Variants in NRCAM observed in about 807,000 individuals in gnomAD.
NRCAM encodes the protein neuronal cell adhesion molecule.
A neutral mutation model predicts 156.5 loss-of-function variants in NRCAM; 83 were observed. The ratio of observed to expected loss-of-function variants is 0.53; its 90% CI spans 0.44 to 0.64. NRCAM has a LOEUF of 0.64. Among genes scored for constraint, NRCAM ranks in the 30% least tolerant of loss-of-function variants. The pLI is 0.00. For synonymous variants in NRCAM, 538 were observed against 563.9 expected (o/e 0.95, Z 0.65); for missense variants, 1,417 against 1,597.3 (o/e 0.89, Z 1.92).
intron 3 of NRCAM, among the ~76,000 whole-genome samples, chr7:108,311,288 T>C (rs946632844): frequency 6.6e-6 from 1 of 152,226 alleles, no homozygotes; most frequent in African/African-American, 2.4e-5. Flanking sequence ...TAACTCCTAG[T>C]TTCTAACAAC....
intron 13 of NRCAM, among the ~76,000 whole-genome samples, chr7:108,202,257 T>C (rs994815385): frequency 6.6e-6 from 1 of 152,098 alleles, no homozygotes; most frequent in Admixed American, 6.5e-5. Flanking sequence ...CTGATGTTGG[T>C]AGGTAAAAAT....
intron 1 of NRCAM, among the ~76,000 whole-genome samples, chr7:108,415,295 G>A (rs1020213302): frequency 6.6e-6 from 1 of 152,210 alleles, no homozygotes; most frequent in Non-Finnish European, 1.5e-5. Flanking sequence ...GTCTAATGGA[G>A]AAGGAGGTAC....
chr7:108,155,101 T>TATATATATATACAC (rs1270777439), intron 32 of NRCAM, among the ~76,000 whole-genome samples: 43 of 123,106 alleles, frequency 3.5e-4, no homozygotes, highest in South Asian at 1.8e-3. Flanking sequence ...TATATATATA[T>TATATATATATACAC]ACACACACAC....
chr7:108,284,834 C>T (rs903098766), intron 3 of NRCAM, among the ~76,000 whole-genome samples: 5 of 152,362 alleles, frequency 3.3e-5, no homozygotes, highest in Admixed American at 2.6e-4. Flanking sequence ...GTAAGCACCT[C>T]GCTGGGGAGG....
At chr7:108,332,476 C>T (rs1039644872) in intron 2 of NRCAM, among the ~76,000 whole-genome samples, 18 of 152,140 alleles carry the variant, frequency 1.2e-4, no homozygotes, top group Non-Finnish European at 1.9e-4. Flanking sequence ...CTTCTCTTCC[C>T]TTCAATCACC....
At chr7:108,151,912 C>T (rs970835401) in intron 32 of NRCAM, among the ~76,000 whole-genome samples, 1 of 152,112 alleles carries the variant, frequency 6.6e-6, no homozygotes, top group Non-Finnish European at 1.5e-5. Flanking sequence ...CCAAGGAATA[C>T]ACTGCTGGAA....
At chr7:108,424,598 A>G (rs1814566251) in intron 1 of NRCAM, among the ~76,000 whole-genome samples, 1 of 152,070 alleles carries the variant, frequency 6.6e-6, no homozygotes, top group African/African-American at 2.4e-5. Flanking sequence ...CTTGATTTTT[A>G]AAACTGAATG....
intron 2 of NRCAM, among the ~76,000 whole-genome samples, chr7:108,369,971 TA>T (rs1483966937): frequency 2.6e-5 from 4 of 152,278 alleles, no homozygotes; most frequent in Middle Eastern, 6.8e-3. Flanking sequence ...AGTAGTTATT[TA>T]AAAATTATTT....
intron 27 of NRCAM, 146 bp from the exon 28 acceptor site, chr7:108,175,503 A>G (rs2060141052): frequency 3.0e-6 from 2 of 672,786 alleles, no homozygotes; most frequent in African/African-American, 3.7e-5. Flanking sequence ...GGGGACAAAG[A>G]TATGTTGGTG....
intron 1 of NRCAM, among the ~76,000 whole-genome samples, chr7:108,419,503 T>C (rs1806300480): frequency 6.6e-6 from 1 of 152,194 alleles, no homozygotes; most frequent in Non-Finnish European, 1.5e-5. Flanking sequence ...TCTTCCCATC[T>C]GAGCTCACTT....
At chr7:108,219,391 T>C (rs2091257035) in intron 11 of NRCAM, among the ~76,000 whole-genome samples, 1 of 151,860 alleles carries the variant, frequency 6.6e-6, no homozygotes, top group African/African-American at 2.4e-5. Flanking sequence ...GGAAAGGACA[T>C]AACCAAAAAA....
At chr7:108,391,784 T>G (rs1446315055) in intron 2 of NRCAM, among the ~76,000 whole-genome samples, 4 of 152,310 alleles carry the variant, frequency 2.6e-5, no homozygotes, top group Non-Finnish European at 5.9e-5. Context: ...TGACAAAATC[T>G]CTCAGCATTT....
At chr7:108,261,032 T>C (rs1461122120) in intron 3 of NRCAM, among the ~76,000 whole-genome samples, 1 of 152,048 alleles carries the variant, frequency 6.6e-6, no homozygotes, top group African/African-American at 2.4e-5. Context: ...GGGACACTGA[T>C]GGAGGGGAAG....
intron 1 of NRCAM, among the ~76,000 whole-genome samples, chr7:108,403,883 TGAA>T (rs771875979): frequency 3.3e-5 from 5 of 152,236 alleles, no homozygotes; most frequent in Non-Finnish European, 4.4e-5. Flanking sequence ...AATTGTTCTC[TGAA>T]GAAGATCTCA....
chr7:108,441,416 C>A (rs536213468), intron 1 of NRCAM, among the ~76,000 whole-genome samples: 1 of 152,134 alleles, frequency 6.6e-6, no homozygotes, highest in Non-Finnish European at 1.5e-5. Flanking sequence ...ATTACATTAC[C>A]TGAATGTGCT....
At chr7:108,368,621 T>G (rs1000510215) in intron 2 of NRCAM, among the ~76,000 whole-genome samples, 1 of 152,176 alleles carries the variant, frequency 6.6e-6, no homozygotes, top group Non-Finnish European at 1.5e-5. Flanking sequence ...CTTTCCTGAC[T>G]TGAAAATTAA....
chr7:108,423,272 T>C (rs903153934), intron 1 of NRCAM, among the ~76,000 whole-genome samples: 1 of 151,570 alleles, frequency 6.6e-6, no homozygotes, highest in African/African-American at 2.4e-5. Context: ...AATGAAAGCA[T>C]AAGAAAGATG....
At chr7:108,281,527 T>C (rs1009482630) in intron 3 of NRCAM, among the ~76,000 whole-genome samples, 1 of 152,172 alleles carries the variant, frequency 6.6e-6, no homozygotes, top group Non-Finnish European at 1.5e-5. Context: ...TTTCATGGCA[T>C]AGGAAATATG....
rs564202208 is a variant in NRCAM, at chr7:108,227,127, C to T, written c.551-749G>A. Among the ~76,000 whole-genome samples the T allele has an allele frequency of 1.6e-4, 25 of 152,288 alleles. No individual in the cohort carries two copies. In the South Asian group the frequency reaches 2.7e-3, roughly 16 times the overall value. On this transcript the variant is annotated intron_variant, in intron 8 of 32. Transcript: ENST00000379028. The stretch of plus-strand genomic sequence containing the variant: ...CTGCACTAGAATTTAAGCTCCAGGA[C>T]GGTGAACACTTTCATCTGTTTTGTC...
Sources: allele counts gnomAD v4.1 joint callset (sites outside exome capture counted in the v4.1 genomes callset), GRCh38; gene constraint gnomAD v4.1.1; transcripts MANE v1.5; gene names NCBI Gene and HGNC (gene_info 2026-07-23, HGNC 2026-07-21).